Variants in CPPED1 observed in about 807,000 individuals in gnomAD.
CPPED1 encodes the protein serine/threonine-protein phosphatase CPPED1.
In CPPED1, 28 loss-of-function variants were observed where a neutral mutation model predicts 28.0. The observed-to-expected ratio is 1.00, with a 90% CI of 0.74 to 1.37. CPPED1 has a LOEUF of 1.37. Among genes scored for constraint, CPPED1 ranks in the 40% most tolerant of loss-of-function variants. CPPED1 has a pLI of 0.00. For missense variants in CPPED1, 504 were observed against 416.5 expected, an observed-to-expected ratio of 1.21 and a Z score of -1.83; for synonymous variants, 198 against 180.2, an observed-to-expected ratio of 1.10 and a Z score of -0.79.
chr16:12,778,966 AT>A (rs972352455), intron 2 of CPPED1, among the ~76,000 whole-genome samples: 32 of 152,220 alleles, frequency 2.1e-4, no homozygotes, highest in African/African-American at 7.2e-4. Context: ...GGCGGGGCTG[AT>A]CATAAAAACT....
In CPPED1 at chr16:12,753,201, T is replaced by C. The variant is rs892157781; in HGVS notation, c.289+27984A>G. 4 of 152,200 alleles carry C rather than the reference T, an allele frequency of 2.6e-5. No homozygotes were observed. In the South Asian group the frequency reaches 8.3e-4, roughly 31 times the overall value. 9.4% of individuals were successfully genotyped at this position (152,200 alleles called of 1,614,324 possible). On this transcript the variant is annotated intron_variant, in intron 2 of 3. Coordinates refer to ENST00000381774, the MANE Select transcript of CPPED1 (RefSeq NM_018340.3). ...ACTGAATGTTTGTGTCACTCCCAAA[T>C]TCGCATGTTGAAATCCTAGCCCCCA...
intron 2 of CPPED1, among the ~76,000 whole-genome samples, chr16:12,731,127 T>TGG (rs2080194755): frequency 6.7e-6 from 1 of 149,898 alleles, no homozygotes. Context: ...GGGCAACATA[T>TGG]GGAGACCCTG....
chr16:12,737,489 A>T (rs1381749022), intron 2 of CPPED1, among the ~76,000 whole-genome samples: 2 of 152,232 alleles, frequency 1.3e-5, no homozygotes, highest in African/African-American at 4.8e-5. Context: ...GTTCCCATGC[A>T]GGGACCTGTC....
In CPPED1 at chr16:12,693,927, G is replaced by A. The variant is rs193234596; in HGVS notation, c.715+10697C>T. On this transcript the variant is annotated intron_variant, in intron 3 of 3. Transcript: ENST00000381774. Reference sequence around the variant, plus strand: ...AAATTAAATCATTTTTACTTGGCCGGCTGTGTTGGCTCATGCCTGTAATCC... The same window carrying A: ...AAATTAAATCATTTTTACTTGGCCGACTGTGTTGGCTCATGCCTGTAATCC... 2.6e-5 allele frequency among the ~76,000 whole-genome samples: 4 copies of A among 152,356 alleles called. No individual in the cohort carries two copies. In the East Asian group the frequency reaches 7.7e-4, roughly 29 times the overall value.
intron 2 of CPPED1, among the ~76,000 whole-genome samples, chr16:12,768,632 C>T (rs1410474635): frequency 2.0e-5 from 3 of 152,118 alleles, no homozygotes; most frequent in Non-Finnish European, 4.4e-5. Flanking sequence ...ATTCTGGGGC[C>T]ATGGGGATCT....
intron 3 of CPPED1, 64 bp from the exon 4 acceptor site, chr16:12,665,179 A>G: frequency 6.9e-7 from 1 of 1,454,372 alleles, no homozygotes; most frequent in Non-Finnish European, 9.2e-7. Flanking sequence ...TAGGGTCTCC[A>G]GCATTTTATT....
In CPPED1 at chr16:12,739,586, A is replaced by C. The variant is rs150587002; in HGVS notation, c.290-34537T>G. Among the ~76,000 whole-genome samples the C allele has an allele frequency of 1.2e-3, 178 of 152,256 alleles. 1 individual carries two copies. The highest frequency in any genetic ancestry group is 2.1e-3 in the Non-Finnish European group (141 of 68,020). On this transcript the variant is annotated intron_variant, in intron 2 of 3. Coordinates refer to ENST00000381774, the MANE Select transcript of CPPED1 (RefSeq NM_018340.3). Reference sequence around the variant, plus strand: ...ACAAGAGCAAAACTCCATTTCAAAAAAAAAAGTGCTTGTTCGAGTAAACAC... The same window carrying C: ...ACAAGAGCAAAACTCCATTTCAAAACAAAAAGTGCTTGTTCGAGTAAACAC...
chr16:12,701,778 T>A (rs1375626827), intron 3 of CPPED1, among the ~76,000 whole-genome samples: 1 of 152,178 alleles, frequency 6.6e-6, no homozygotes, highest in Non-Finnish European at 1.5e-5. Flanking sequence ...AAGACCCAGA[T>A]GAGACAGTGG....
rs763749898 is a variant in CPPED1, at chr16:12,704,635, A to G, written c.704T>C (p.Phe235Ser). ...CCCGGGGCCTCTACCTGCGTGGATGAACTTGTCTGCCAACTTCTTCCGAGT... is the reference window on the plus strand; with the variant it reads ...CCCGGGGCCTCTACCTGCGTGGATGGACTTGTCTGCCAACTTCTTCCGAGT... Reference protein sequence around the residue: ...KSTRKKLADKFIHAGVKVVFS... With the variant: ...KSTRKKLADKSIHAGVKVVFS... Residue 235 changes from phenylalanine to serine, a missense_variant, in exon 3 of 4, where the codon TTC (phenylalanine) becomes TCC (serine). By Grantham distance (155) the Phe-to-Ser change is radical. Coordinates refer to ENST00000381774, the MANE Select transcript of CPPED1 (RefSeq NM_018340.3). The G allele has an allele frequency of 2.5e-6, 4 of 1,609,688 alleles. No individual in the cohort carries two copies. Among genetic ancestry groups the G allele is most frequent in the Non-Finnish European group, 3.4e-6 (4 of 1,176,656 alleles).
intron 2 of CPPED1, among the ~76,000 whole-genome samples, chr16:12,741,155 T>G (rs981780608): frequency 6.6e-6 from 1 of 152,058 alleles, no homozygotes; most frequent in African/African-American, 2.4e-5. Flanking sequence ...GGATAGTACT[T>G]AAAATATAGT....
chr16:12,695,433 T>TAA (rs11389288), intron 3 of CPPED1, among the ~76,000 whole-genome samples: 12 of 149,996 alleles, frequency 8.0e-5, no homozygotes, highest in African/African-American at 2.4e-4. Context: ...CCTGGTTAGT[T>TAA]AAAAAAAAAA....
intron 2 of CPPED1, among the ~76,000 whole-genome samples, chr16:12,749,814 C>A (rs1031426743): frequency 1.3e-5 from 2 of 152,044 alleles, no homozygotes; most frequent in African/African-American, 2.4e-5. Flanking sequence ...GGTCTTGAAC[C>A]CCTGACCTCA....
chr16:12,729,218 C>T (rs2080185147), intron 2 of CPPED1, among the ~76,000 whole-genome samples: 1 of 152,110 alleles, frequency 6.6e-6, no homozygotes, highest in Non-Finnish European at 1.5e-5. Flanking sequence ...TGCCTCCTAG[C>T]CCTGGCATAC....
chr16:12,752,434 C>G (rs2141219444), intron 2 of CPPED1, among the ~76,000 whole-genome samples: 1 of 152,124 alleles, frequency 6.6e-6, no homozygotes, highest in East Asian at 1.9e-4. Context: ...ACTTAATTCT[C>G]TCTAACGGCC....
chr16:12,695,294 T>C (rs146123399), intron 3 of CPPED1, among the ~76,000 whole-genome samples: 1,813 of 152,306 alleles, frequency 0.012, 51 homozygotes, highest in African/African-American at 0.041. Flanking sequence ...AGACAGGATC[T>C]TGCTCTGTTG....
chr16:12,751,216 G>A (rs543758773), intron 2 of CPPED1, among the ~76,000 whole-genome samples: 98 of 152,224 alleles, frequency 6.4e-4, no homozygotes, highest in African/African-American at 2.2e-3. Flanking sequence ...AGGGAGAGGT[G>A]GCTACCTTCC....
chr16:12,707,122 G>A (rs557141023), intron 2 of CPPED1, among the ~76,000 whole-genome samples: 1 of 152,168 alleles, frequency 6.6e-6, no homozygotes, highest in Non-Finnish European at 1.5e-5. Flanking sequence ...GCCAGTTTAG[G>A]AAAGACAAGT....
rs549214514 is a variant in CPPED1, at chr16:12,742,326, G to A, written c.290-37277C>T. 1.8e-4 allele frequency among the ~76,000 whole-genome samples: 28 copies of A among 152,274 alleles called. No homozygotes were observed. In the East Asian group the frequency reaches 4.8e-3, roughly 26 times the overall value. ...TCACACAGGCAGGTATGAGGAGCCC[G>A]TGAAATAACTGTGGGATTTTAAACT... On this transcript the variant is annotated intron_variant, in intron 2 of 3. Coordinates refer to ENST00000381774, the MANE Select transcript of CPPED1 (RefSeq NM_018340.3).
rs546600556 is a variant in CPPED1, at chr16:12,687,142, T to C, written c.715+17482A>G. 3.9e-5 allele frequency among the ~76,000 whole-genome samples: 6 copies of C among 152,310 alleles called. 1 individual carries two copies. The highest frequency in any genetic ancestry group is 1.4e-4 in the African/African-American group (6 of 41,576). On this transcript the variant is annotated intron_variant, in intron 3 of 3. Transcript: ENST00000381774. ...TAATCATGCTCTTTACAGAAACCGTTTGCCAACTCTTGACCTATACTCACT... is the reference window on the plus strand; with the variant it reads ...TAATCATGCTCTTTACAGAAACCGTCTGCCAACTCTTGACCTATACTCACT...
Sources: allele counts gnomAD v4.1 joint callset (sites outside exome capture counted in the v4.1 genomes callset), GRCh38; gene constraint gnomAD v4.1.1; transcripts MANE v1.5; gene names NCBI Gene and HGNC (gene_info 2026-07-23, HGNC 2026-07-21).